The following KCNH1 variants were observed in gnomAD, a reference collection of about 807,000 sequenced individuals.
KCNH1 encodes voltage-gated delayed rectifier potassium channel KCNH1.
Under a neutral mutation model 69.2 loss-of-function variants are expected in KCNH1, and 27 were observed. That is an observed-to-expected ratio of 0.39 (90% CI 0.29 to 0.54). The LOEUF is 0.54. Among genes scored for constraint, KCNH1 ranks in the 20% least tolerant of loss-of-function variants. The pLI, the probability that KCNH1 is intolerant of heterozygous loss-of-function variation, is 0.68. For synonymous variants in KCNH1, 456 were observed against 487.7 expected, an observed-to-expected ratio of 0.93 and a Z score of 0.86; for missense variants, 798 against 1,261.6, an observed-to-expected ratio of 0.63 and a Z score of 5.57.
At chr1:210,724,921 A>G (rs1934620) in intron 10 of KCNH1, among the ~76,000 whole-genome samples, 27,941 of 152,110 alleles carry the variant, frequency 0.18, 2,832 homozygotes, top group African/African-American at 0.27. Flanking sequence ...GGAACAGAAC[A>G]TCCCATCTCC....
intron 7 of KCNH1, among the ~76,000 whole-genome samples, chr1:210,855,494 A>G (rs1257939735): frequency 6.6e-6 from 1 of 152,164 alleles, no homozygotes; most frequent in Non-Finnish European, 1.5e-5. Flanking sequence ...CAGGCTGCAG[A>G]TGTCTGTTGA....
chr1:210,985,652 T>C (rs1204285760), intron 6 of KCNH1, among the ~76,000 whole-genome samples: 3 of 152,288 alleles, frequency 2.0e-5, no homozygotes, highest in Non-Finnish European at 4.4e-5. Flanking sequence ...GGGAGAGAGT[T>C]TGTTATAATT....
At chr1:210,692,708 G>A (rs1197997636) in intron 10 of KCNH1, among the ~76,000 whole-genome samples, 2 of 152,154 alleles carry the variant, frequency 1.3e-5, no homozygotes, top group African/African-American at 4.8e-5. Flanking sequence ...GGGGAAGACG[G>A]AGGAGATACT....
chr1:211,111,557 C>T (rs1017521766), intron 1 of KCNH1, among the ~76,000 whole-genome samples: 1 of 143,978 alleles, frequency 6.9e-6, no homozygotes, highest in Non-Finnish European at 1.5e-5. Flanking sequence ...CCCCCCGCCC[C>T]GTCTGGGAAG....
chr1:210,994,797 A>G (rs1405334140), intron 6 of KCNH1, among the ~76,000 whole-genome samples: 1 of 152,308 alleles, frequency 6.6e-6, no homozygotes, highest in East Asian at 1.9e-4. Context: ...AGTATATGCT[A>G]GAATCAAACA....
chr1:211,009,152 G>C (rs1490523583), intron 6 of KCNH1, among the ~76,000 whole-genome samples: 1 of 152,212 alleles, frequency 6.6e-6, no homozygotes, highest in Non-Finnish European at 1.5e-5. Flanking sequence ...TATTGTGTGA[G>C]ATGAGAGGCT....
intron 10 of KCNH1, among the ~76,000 whole-genome samples, chr1:210,709,963 C>A (rs1682025878): frequency 6.6e-6 from 1 of 152,202 alleles, no homozygotes; most frequent in Admixed American, 6.5e-5. Context: ...GATATAGATA[C>A]AGTCATGTGT....
Position 210,682,015 on chromosome 1 carries a change from T to G in KCNH1, c.*1266A>C, listed in dbSNP as rs1681281613. On this transcript the variant is annotated 3_prime_UTR_variant, in exon 11 of 11. Transcript: ENST00000271751. ...AGGGGCTTGGATGGCCCATACGCAG[T>G]TCTGTGACCATCACTGGGAGCCACA... 1 of 152,170 alleles carries G rather than the reference T, an allele frequency of 6.6e-6. No individual in the cohort carries two copies. The highest frequency in any genetic ancestry group is 2.1e-4 in the South Asian group (1 of 4,828). The allele number at this position is 152,170 out of a possible 1,614,324, so 9.4% of individuals were successfully genotyped here.
intron 6 of KCNH1, among the ~76,000 whole-genome samples, chr1:210,986,012 G>A (rs917836251): frequency 2.0e-5 from 3 of 152,166 alleles, no homozygotes; most frequent in Non-Finnish European, 4.4e-5. Flanking sequence ...TCTTCTTGTT[G>A]AATTGATCCC....
chr1:210,706,071 G>A (rs761769445), intron 10 of KCNH1, among the ~76,000 whole-genome samples: 10 of 152,204 alleles, frequency 6.6e-5, no homozygotes, highest in East Asian at 1.9e-4. Context: ...AACAAGACTC[G>A]AACCCAGAGA....
chr1:210,986,796 T>C (rs567442035), intron 6 of KCNH1, among the ~76,000 whole-genome samples: 3 of 152,254 alleles, frequency 2.0e-5, no homozygotes, highest in East Asian at 3.9e-4. Context: ...ATCTTTGCGG[T>C]GTTCTCTGTA....
rs7555592 is a variant in KCNH1 at position 210,994,306 on chromosome 1, G to A, written c.1032+24477C>T. On this transcript the variant is annotated intron_variant, in intron 6 of 10. Coordinates refer to ENST00000271751, the MANE Select transcript of KCNH1 (RefSeq NM_172362.3). ...TGTTTTCCTCATTCCATCAATATCTGAATGCCTATTGTGTGCCAGCAACTG... is the reference window on the plus strand; with the variant it reads ...TGTTTTCCTCATTCCATCAATATCTAAATGCCTATTGTGTGCCAGCAACTG... Among the ~76,000 whole-genome samples the A allele has an allele frequency of 5.1e-3, 778 of 152,238 alleles. 10 individuals carry two copies. Among genetic ancestry groups the A allele is most frequent in the African/African-American group, 0.018 (739 of 41,520 alleles).
chr1:210,989,986 G>T (rs1315818030), intron 6 of KCNH1, among the ~76,000 whole-genome samples: 1 of 152,188 alleles, frequency 6.6e-6, no homozygotes, highest in African/African-American at 2.4e-5. Context: ...ATGCTGCACT[G>T]CTCTGTATAT....
chr1:210,869,221 A>G (rs1158776930), intron 7 of KCNH1, among the ~76,000 whole-genome samples: 1 of 152,054 alleles, frequency 6.6e-6, no homozygotes, highest in East Asian at 1.9e-4. Context: ...TAATTTGATC[A>G]TGAACTCCTT....
Position 210,683,770 on chromosome 1 carries a change from G to A in KCNH1, c.2481C>T (p.Gly827=), listed in dbSNP as rs375157009. 2.0e-5 allele frequency: 32 copies of A among 1,613,682 alleles called. No individual in the cohort carries two copies. The highest frequency in any genetic ancestry group is 8.8e-5 in the South Asian group (8 of 91,082). The part of the protein sequence containing the change: ...PGSECLGPKG[G]GGDCAKRKSW... ...TTTTGCGCTTGGCACAATCGCCCCC[G>A]CCCCCCTTGGGGCCCAGGCACTCGG... Residue 827 remains glycine (G), a synonymous_variant, in exon 11 of 11, where the codon GGC becomes GGT. Coordinates refer to ENST00000271751, the MANE Select transcript of KCNH1 (RefSeq NM_172362.3). The surrounding 1 kb of genome is among the most constrained non-coding windows in gnomAD (Gnocchi z 5.7).
chr1:210,994,251 A>C (rs1688983629), intron 6 of KCNH1, among the ~76,000 whole-genome samples: 1 of 152,112 alleles, frequency 6.6e-6, no homozygotes, highest in South Asian at 2.1e-4. Context: ...TTTTCTTACT[A>C]TCTCATGTGA....
intron 7 of KCNH1, among the ~76,000 whole-genome samples, chr1:210,824,162 C>A (rs987047526): frequency 1.3e-4 from 1 of 7,974 alleles, no homozygotes; most frequent in Non-Finnish European, 5.1e-4. Flanking sequence ...AAATGTGACC[C>A]CCCCTTAAAT....
Position 211,134,105 on chromosome 1 carries a change from G to A in KCNH1, c.-160C>T. 1 of 548,114 alleles carries A rather than the reference G, an allele frequency of 1.8e-6. No individual in the cohort carries two copies. Among genetic ancestry groups the A allele is most frequent in the African/African-American group, 2.0e-5 (1 of 49,810 alleles). The allele number at this position is 548,114 out of a possible 1,614,324, so 34.0% of individuals were successfully genotyped here. On this transcript the variant is annotated 5_prime_UTR_variant, in exon 1 of 11. Coordinates refer to ENST00000271751, the MANE Select transcript of KCNH1 (RefSeq NM_172362.3). This position sits in a 1 kb window ranked among gnomAD's most constrained non-coding sequence, Gnocchi z 5.7. ...GCGGCTCCCTCTGGCTGCTACCCTC[G>A]CGCCCTCTTCGCGCCTCCCTCCCTG... is the stretch of plus-strand genomic sequence containing the variant.
chr1:210,689,487 T>G (rs968374329), intron 10 of KCNH1, among the ~76,000 whole-genome samples: 3 of 152,174 alleles, frequency 2.0e-5, no homozygotes, highest in Non-Finnish European at 2.9e-5. Flanking sequence ...GGGAGCACAT[T>G]TACTTAAAAG....
Sources: allele counts gnomAD v4.1 joint callset (sites outside exome capture counted in the v4.1 genomes callset), GRCh38; gene constraint gnomAD v4.1.1; non-coding constraint Gnocchi (gnomAD v3.1); transcripts MANE v1.5; gene names NCBI Gene and HGNC (gene_info 2026-07-23, HGNC 2026-07-21).